MAF: variants seen among roughly 807,000 people sequenced by gnomAD.
MAF encodes the protein transcription factor Maf.
MAF carries 10 observed loss-of-function variants against 22.0 expected under a neutral mutation model. The ratio of observed to expected loss-of-function variants is 0.45; its 90% CI spans 0.28 to 0.77. The LOEUF (loss-of-function observed/expected upper bound fraction) is 0.77, where lower values mean the gene tolerates loss of function less well. Ranked by LOEUF, MAF falls within the 30% of genes least tolerant of loss-of-function variation. The pLI, the probability that MAF is intolerant of heterozygous loss-of-function variation, is 0.12. For missense variants in MAF, 544 were observed against 548.4 expected (o/e 0.99, Z 0.08); for synonymous variants, 337 against 255.8 (o/e 1.32, Z -3.03).
At chr16:79,540,552 C>A in the MAF span, among the ~76,000 whole-genome samples, 1 of 152,172 alleles carries the variant, frequency 6.6e-6, no homozygotes, top group South Asian at 2.1e-4. Context: ...AGCACCCCAC[C>A]CTGCTCATGG....
At chr16:79,579,676 A>T in the MAF span, among the ~76,000 whole-genome samples, 1 of 152,260 alleles carries the variant, frequency 6.6e-6, no homozygotes, top group Non-Finnish European at 1.5e-5. Context: ...TTCTCCGAAT[A>T]ACTGCCTCAC....
chr16:79,597,649 G>A (rs1913613551), intron 1 of MAF: 4 of 1,021,038 alleles, frequency 3.9e-6, no homozygotes, highest in South Asian at 4.6e-5. Flanking sequence ...AAGGCTCTAC[G>A]GTTGCACTGT....
chr16:79,276,517 C>T, the MAF span, among the ~76,000 whole-genome samples: 1 of 152,146 alleles, frequency 6.6e-6, no homozygotes. Context: ...GTGTGTGAAA[C>T]ATAAAAGAAA....
At chr16:79,569,486 A>C in the MAF span, among the ~76,000 whole-genome samples, 3 of 152,316 alleles carry the variant, frequency 2.0e-5, no homozygotes, top group East Asian at 5.8e-4. Flanking sequence ...AGAGGTTCTC[A>C]AGTGCTCAAA....
At chr16:79,589,066 C>G (rs1215723598), downstream of MAF, among the ~76,000 whole-genome samples, 1 of 152,124 alleles carries the variant, frequency 6.6e-6, no homozygotes, top group Non-Finnish European at 1.5e-5. Context: ...TGAATAAATC[C>G]TTCCCTAAGA....
the MAF span, among the ~76,000 whole-genome samples, chr16:79,286,009 T>G: frequency 6.6e-6 from 1 of 152,160 alleles, no homozygotes; most frequent in African/African-American, 2.4e-5. Flanking sequence ...ACCCTGGCCC[T>G]ACCTCCCACT....
the MAF span, among the ~76,000 whole-genome samples, chr16:79,507,635 C>T: frequency 6.8e-6 from 1 of 147,768 alleles, no homozygotes; most frequent in Non-Finnish European, 1.5e-5. Flanking sequence ...CTATGTTAGC[C>T]AGGATGGTCT....
chr16:79,218,745 G>A, the MAF span, among the ~76,000 whole-genome samples: 3 of 152,158 alleles, frequency 2.0e-5, no homozygotes, highest in African/African-American at 7.2e-5. Flanking sequence ...TAATTAGAGT[G>A]GAAATTCAAA....
At chr16:79,213,054 T>G in the MAF span, among the ~76,000 whole-genome samples, 3 of 152,222 alleles carry the variant, frequency 2.0e-5, no homozygotes, top group Non-Finnish European at 4.4e-5. Flanking sequence ...TCTCTATGTT[T>G]GAGAATGGGA....
At chr16:79,411,242 T>C in the MAF span, among the ~76,000 whole-genome samples, 2 of 152,138 alleles carry the variant, frequency 1.3e-5, no homozygotes, top group African/African-American at 2.4e-5. Flanking sequence ...TCGTTATTTT[T>C]TGTCCCTCAA....
At chr16:79,496,011 G>A in the MAF span, among the ~76,000 whole-genome samples, 8 of 152,176 alleles carry the variant, frequency 5.3e-5, no homozygotes, top group African/African-American at 1.9e-4. Flanking sequence ...GCTGACCCAT[G>A]AGATAACCAT....
downstream of MAF, among the ~76,000 whole-genome samples, chr16:79,584,160 T>C (rs1912698506): frequency 6.6e-6 from 1 of 152,206 alleles, no homozygotes; most frequent in South Asian, 2.1e-4. Flanking sequence ...GATTTAGTTT[T>C]TATATCCTAG....
chr16:79,473,528 T>C, the MAF span, among the ~76,000 whole-genome samples: 2 of 152,090 alleles, frequency 1.3e-5, no homozygotes, highest in African/African-American at 4.8e-5. Flanking sequence ...CCAAACAATG[T>C]CAGATAAAAT....
chr16:79,557,623 A>G, the MAF span, among the ~76,000 whole-genome samples: 2 of 152,028 alleles, frequency 1.3e-5, no homozygotes, highest in Admixed American at 6.5e-5. Context: ...ATAGCAGCCA[A>G]CCCTCAGAGT....
chr16:79,385,401 G>A, the MAF span, among the ~76,000 whole-genome samples: 2 of 152,168 alleles, frequency 1.3e-5, no homozygotes, highest in Non-Finnish European at 2.9e-5. Flanking sequence ...CATTTTTTAT[G>A]CATAAAATTA....
chr16:79,392,552 C>T, the MAF span, among the ~76,000 whole-genome samples: 2 of 151,924 alleles, frequency 1.3e-5, no homozygotes, highest in East Asian at 1.9e-4. Context: ...GAGATGAACA[C>T]GGGTGGAACC....
At chr16:79,331,333 C>A in the MAF span, among the ~76,000 whole-genome samples, 1 of 152,142 alleles carries the variant, frequency 6.6e-6, no homozygotes, top group African/African-American at 2.4e-5. Context: ...GATGAAATGG[C>A]TTCAGAGAAA....
At chr16:79,581,515 G>A (rs925499703), downstream of MAF, among the ~76,000 whole-genome samples, 5 of 152,182 alleles carry the variant, frequency 3.3e-5, no homozygotes, top group African/African-American at 1.2e-4. Context: ...TTTGTCTGTG[G>A]AACCCAATTT....
chr16:79,344,541 G>A, the MAF span, among the ~76,000 whole-genome samples: 3 of 152,192 alleles, frequency 2.0e-5, no homozygotes, highest in Non-Finnish European at 4.4e-5. Flanking sequence ...CTGAACTAAA[G>A]ATAGATAGGT....
Sources: gnomAD v4.1 joint callset for allele counts (sites outside exome capture counted in the v4.1 genomes callset) on GRCh38, gnomAD v4.1.1 for gene constraint, MANE v1.5 for transcripts, NCBI Gene and HGNC (gene_info 2026-07-23, HGNC 2026-07-21) for gene names.